KCNU1: variants seen among roughly 807,000 people sequenced by gnomAD.
KCNU1 encodes the protein potassium channel subfamily U member 1.
KCNU1 carries 93 observed loss-of-function variants against 126.8 expected under a neutral mutation model. The ratio of observed to expected loss-of-function variants is 0.73; its 90% confidence interval spans 0.62 to 0.87. KCNU1 has a LOEUF of 0.87. Among genes scored for constraint, KCNU1 ranks in the 40% least tolerant of loss-of-function variants. KCNU1 has a pLI of 0.00. For missense variants in KCNU1, 1,330 were observed against 1,367.1 expected (o/e 0.97, Z 0.43); for synonymous variants, 523 against 494.2 (o/e 1.06, Z -0.77).
chr8:36,803,944 T>C, intron 2 of KCNU1, 83 bp from the exon 3 acceptor site: 4 of 895,330 alleles, frequency 4.5e-6, no homozygotes, highest in Non-Finnish European at 7.2e-6. Context: ...ACAGGCATGG[T>C]AAAAAGAGAA....
chr8:36,808,911 GTCTT>G, intron 7 of KCNU1, 118 bp downstream of exon 7: 1 of 656,572 alleles, frequency 1.5e-6, no homozygotes, highest in Non-Finnish European at 2.7e-6. Flanking sequence ...TTGGAGGTGT[GTCTT>G]TCTACTTCCC....
intron 10 of KCNU1, among the ~76,000 whole-genome samples, chr8:36,825,113 G>A (rs566667434): frequency 1.3e-5 from 2 of 152,152 alleles, no homozygotes; most frequent in South Asian, 4.1e-4. Context: ...CACTGGAAAT[G>A]TAACTCGACA....
At chr8:36,826,382 G>T (rs933344159) in intron 10 of KCNU1, among the ~76,000 whole-genome samples, 1 of 151,746 alleles carries the variant, frequency 6.6e-6, no homozygotes, top group Non-Finnish European at 1.5e-5. Flanking sequence ...GCTAATTTTT[G>T]TATTGTTAGT....
chr8:36,925,307 C>T (rs1432383836), intron 24 of KCNU1, among the ~76,000 whole-genome samples: 2 of 152,126 alleles, frequency 1.3e-5, no homozygotes, highest in Admixed American at 6.5e-5. Flanking sequence ...GGCATTTGCT[C>T]AACTGAATTT....
At chr8:36,862,940 C>T (rs1030542812) in intron 18 of KCNU1, among the ~76,000 whole-genome samples, 4 of 152,126 alleles carry the variant, frequency 2.6e-5, no homozygotes, top group African/African-American at 2.4e-5. Context: ...GATTTTACTT[C>T]GGGTGTTCCC....
chr8:36,804,038 C>G lies in KCNU1; in HGVS notation c.327C>G (p.Val109=), dbSNP rs751570044. The G allele has an allele frequency of 6.4e-7, 1 of 1,556,998 alleles. No individual in the cohort carries two copies. Among genetic ancestry groups the G allele is most frequent in the Non-Finnish European group, 8.7e-7 (1 of 1,147,038 alleles). Residue 109 remains valine, a synonymous_variant, in exon 3 of 27, where the codon GTC becomes GTG. Transcript: ENST00000399881. ...TTTTTCATTTTCAGGTGATCCTTGT[C>G]TTTGTACTAAGCATTGGGTCTCTTA... is the stretch of plus-strand genomic sequence containing the variant. ...TFVGQVLVIL[V]FVLSIGSLII...
At chr8:36,827,809 T>C (rs558670989) in intron 10 of KCNU1, among the ~76,000 whole-genome samples, 2 of 152,208 alleles carry the variant, frequency 1.3e-5, no homozygotes, top group South Asian at 4.1e-4. Flanking sequence ...AATTTCAGAG[T>C]ATTTGAAAAT....
At chr8:36,796,791 C>G (rs994557629) in intron 2 of KCNU1, among the ~76,000 whole-genome samples, 1 of 152,038 alleles carries the variant, frequency 6.6e-6, no homozygotes, top group African/African-American at 2.4e-5. Flanking sequence ...TTGGAAGTGT[C>G]ATATAGCTGG....
chr8:36,787,581 C>A (rs1802753791), intron 2 of KCNU1, among the ~76,000 whole-genome samples, 156 bp downstream of exon 2: 2 of 151,522 alleles, frequency 1.3e-5, no homozygotes, highest in Admixed American at 6.6e-5. Flanking sequence ...CTCCTTGTGT[C>A]TACCACTCTT....
At chr8:36,864,201 A>G (rs907559655) in intron 18 of KCNU1, among the ~76,000 whole-genome samples, 1 of 152,154 alleles carries the variant, frequency 6.6e-6, no homozygotes, top group East Asian at 1.9e-4. Context: ...ACCATATGGA[A>G]CTGAAATTCT....
rs368547777 is a variant in KCNU1 at position 36,814,213 on chromosome 8, A to T, written c.739A>T (p.Asn247Tyr). Residue 247 changes from asparagine (N) to tyrosine (Y), a missense_variant, in exon 8 of 27, where the codon AAT becomes TAT. This residue lies in a region of KCNU1 where 29 missense variants were observed against 57.8 expected (regional missense o/e 0.50). Transcript: ENST00000399881. The part of the protein sequence containing the change: ...TAAGFIHLVE[N>Y]SGDPWLKGRN... ...GTCTTCTCTCTTTGGACAGGTGGAA[A>T]ATTCTGGTGATCCCTGGCTCAAAGG... The T allele has an allele frequency of 6.2e-7, 1 of 1,612,876 alleles. No homozygotes were observed. Among genetic ancestry groups the T allele is most frequent in the Non-Finnish European group, 8.5e-7 (1 of 1,179,210 alleles).
chr8:36,807,637 A>G (rs1228773504), intron 6 of KCNU1, among the ~76,000 whole-genome samples, 187 bp downstream of exon 6: 1 of 151,940 alleles, frequency 6.6e-6, no homozygotes, highest in Non-Finnish European at 1.5e-5. Context: ...CTAGCTGAAA[A>G]CTTTGCAATC....
intron 22 of KCNU1, among the ~76,000 whole-genome samples, chr8:36,913,579 C>G (rs1413145170): frequency 6.6e-6 from 1 of 151,222 alleles, no homozygotes; most frequent in African/African-American, 2.4e-5. Context: ...TTATCTGGCA[C>G]TGTCACATCA....
At chr8:36,893,914 G>C (rs1352511373) in intron 19 of KCNU1, among the ~76,000 whole-genome samples, 1 of 151,996 alleles carries the variant, frequency 6.6e-6, no homozygotes, top group African/African-American at 2.4e-5. Flanking sequence ...TATTAAACTT[G>C]TAATGGTCCC....
At chr8:36,812,269 A>G (rs910910143) in intron 7 of KCNU1, among the ~76,000 whole-genome samples, 5 of 151,596 alleles carry the variant, frequency 3.3e-5, no homozygotes, top group African/African-American at 1.2e-4. Context: ...AATCCCAGCT[A>G]CTCAGGAGGC....
At chr8:36,934,778 C>T (rs2117624727) in intron 26 of KCNU1, among the ~76,000 whole-genome samples, 1 of 152,208 alleles carries the variant, frequency 6.6e-6, no homozygotes, top group Admixed American at 6.5e-5. Flanking sequence ...CCATACAAGG[C>T]TACCCTGCCT....
intron 19 of KCNU1, among the ~76,000 whole-genome samples, chr8:36,866,909 G>T (rs758900257): frequency 6.6e-6 from 1 of 152,124 alleles, no homozygotes; most frequent in Non-Finnish European, 1.5e-5. Context: ...TCACCCGTGA[G>T]GTGATGGATA....
In KCNU1 at chr8:36,836,839, A is replaced by T. The variant is rs778705172; in HGVS notation, c.1412A>T (p.Asn471Ile). ...IPSWNWDTGD[N>I]IICFAELKLG... is the part of the protein sequence containing the mutation. Reference sequence around the variant, plus strand: ...AGCTGGAACTGGGACACCGGAGACAACATCATCTGCTTTGCTGAATTAAAA... The same window carrying T: ...AGCTGGAACTGGGACACCGGAGACATCATCATCTGCTTTGCTGAATTAAAA... Residue 471 changes from asparagine (N) to isoleucine (I), a missense_variant, in exon 14 of 27, where the codon AAC becomes ATC. Asn to Ile is a moderately radical substitution (Grantham distance 149). Coordinates refer to ENST00000399881, the MANE Select transcript of KCNU1 (RefSeq NM_001031836.3). The T allele has an allele frequency of 1.2e-6, 2 of 1,613,758 alleles. No homozygotes were observed. The highest frequency in any genetic ancestry group is 1.3e-5 in the African/African-American group (1 of 74,928).
intron 19 of KCNU1, among the ~76,000 whole-genome samples, chr8:36,892,518 C>T (rs1007374484): frequency 1.7e-5 from 2 of 119,046 alleles, no homozygotes; most frequent in East Asian, 6.0e-4. Flanking sequence ...AGGTATGGTC[C>T]ATACTTACTG....
Sources: allele counts gnomAD v4.1 joint callset (sites outside exome capture counted in the v4.1 genomes callset), GRCh38; gene constraint gnomAD v4.1.1; regional missense constraint gnomAD v4.1.1; transcripts MANE v1.5; gene names NCBI Gene and HGNC (gene_info 2026-07-23, HGNC 2026-07-21).